The following RARB variants were observed in gnomAD, a reference collection of about 807,000 sequenced individuals.
RARB encodes HBV-activated protein.
Under a neutral mutation model 51.9 loss-of-function variants are expected in RARB, and 17 were observed. The ratio of observed to expected loss-of-function variants is 0.33; its 90% confidence interval spans 0.22 to 0.49. RARB has a LOEUF of 0.49. Ranked by LOEUF, RARB falls within the 20% of genes least tolerant of loss-of-function variation. The pLI is 0.99. For missense variants in RARB, 369 were observed against 550.8 expected (o/e 0.67, Z 3.30); for synonymous variants, 215 against 195.4 (o/e 1.10, Z -0.84).
chr3:25,555,115 T>C (rs1700004013), intron 3 of RARB, among the ~76,000 whole-genome samples: 1 of 151,992 alleles, frequency 6.6e-6, no homozygotes, highest in South Asian at 2.1e-4. Context: ...CTGTAAATAT[T>C]TGAATAAAAT....
At chr3:25,133,834 G>A (rs997135400) in intron 4 of RARB, among the ~76,000 whole-genome samples, 11 of 151,694 alleles carry the variant, frequency 7.3e-5, no homozygotes, top group Admixed American at 5.9e-4. Flanking sequence ...ACAAGGAGGG[G>A]GGAAGGATTT....
intron 2 of RARB, among the ~76,000 whole-genome samples, chr3:24,884,265 T>C (rs1370146630): frequency 1.3e-5 from 2 of 152,178 alleles, no homozygotes; most frequent in Non-Finnish European, 2.9e-5. Flanking sequence ...TCTGTGAAAC[T>C]GTTGATTCTC....
rs186124767 is a variant in RARB, at chr3:25,367,688, T to C, written c.179-93505T>C. 3.9e-3 allele frequency among the ~76,000 whole-genome samples: 570 copies of C among 147,600 alleles called. 2 individuals carry two copies. The highest frequency in any genetic ancestry group is 0.013 in the African/African-American group (535 of 39,980). ...AAAAAATACCAAAATTAGCCGCATA[T>C]GGGGGTGTGCATCTGCAGTCTCAGC... On this transcript the variant is annotated intron_variant, in intron 5 of 11. Coordinates refer to the RARB transcript ENST00000383772.
intron 1 of RARB, among the ~76,000 whole-genome samples, chr3:24,846,262 G>A (rs991614338): frequency 4.6e-5 from 7 of 152,158 alleles, no homozygotes; most frequent in African/African-American, 1.7e-4. Context: ...ACTAATCATA[G>A]TAGCTACCTC....
chr3:25,475,410 G>T (rs1030800264), intron 2 of RARB, among the ~76,000 whole-genome samples: 6 of 151,904 alleles, frequency 3.9e-5, no homozygotes, highest in Admixed American at 2.6e-4. Flanking sequence ...AAGGGGGGGG[G>T]ATCCCCTGCA....
At chr3:24,989,330 A>G (rs1696862620) in intron 2 of RARB, among the ~76,000 whole-genome samples, 1 of 152,234 alleles carries the variant, frequency 6.6e-6, no homozygotes, top group Non-Finnish European at 1.5e-5. Context: ...GCTAAGTAAT[A>G]GCCCTGGGTG....
At chr3:24,966,266 G>A (rs1464416392) in intron 2 of RARB, among the ~76,000 whole-genome samples, 3 of 152,058 alleles carry the variant, frequency 2.0e-5, no homozygotes, top group Non-Finnish European at 4.4e-5. Context: ...AGACTGTTAG[G>A]TCAGCCTAAG....
intron 2 of RARB, among the ~76,000 whole-genome samples, chr3:24,952,526 C>G (rs1040532199): frequency 5.9e-5 from 9 of 152,126 alleles, no homozygotes; most frequent in Non-Finnish European, 1.3e-4. Context: ...TGACTTAACC[C>G]TTTGTCTAGT....
intron 2 of RARB, among the ~76,000 whole-genome samples, chr3:25,056,434 G>A (rs529873121): frequency 2.0e-5 from 3 of 152,168 alleles, no homozygotes; most frequent in African/African-American, 4.8e-5. Flanking sequence ...AACATTGACT[G>A]TCTAAAATAA....
chr3:25,336,516 G>A (rs183960819), intron 5 of RARB, among the ~76,000 whole-genome samples: 5 of 152,216 alleles, frequency 3.3e-5, no homozygotes, highest in Admixed American at 2.0e-4. Flanking sequence ...AAAATCAAAC[G>A]TTAGACTTCT....
At chr3:24,872,683 A>C (rs1276170951) in intron 2 of RARB, among the ~76,000 whole-genome samples, 2 of 152,120 alleles carry the variant, frequency 1.3e-5, no homozygotes, top group Non-Finnish European at 2.9e-5. Flanking sequence ...TACCACAGGG[A>C]GGGCACCAAG....
intron 2 of RARB, among the ~76,000 whole-genome samples, chr3:25,008,673 A>G (rs1474329733): frequency 6.6e-6 from 1 of 152,066 alleles, no homozygotes; most frequent in Non-Finnish European, 1.5e-5. Context: ...TATTTTCTCC[A>G]GTTTTTCAAG....
At chr3:25,231,552 A>C (rs561868738) in intron 5 of RARB, among the ~76,000 whole-genome samples, 2 of 152,296 alleles carry the variant, frequency 1.3e-5, no homozygotes, top group South Asian at 2.1e-4. Flanking sequence ...ATGACTATCA[A>C]CTTGTGAGAG....
chr3:25,490,339 C>T (rs993262475), intron 2 of RARB, among the ~76,000 whole-genome samples: 13 of 152,266 alleles, frequency 8.5e-5, no homozygotes, highest in Middle Eastern at 3.4e-3. Context: ...AATACAAGTA[C>T]ATCATAATTA....
intron 2 of RARB, among the ~76,000 whole-genome samples, chr3:25,463,590 G>A (rs180693371): frequency 9.6e-4 from 146 of 151,846 alleles, no homozygotes; most frequent in Middle Eastern, 6.8e-3. Context: ...TTGAACCCGG[G>A]AGGCAGAGGT....
intron 5 of RARB, among the ~76,000 whole-genome samples, chr3:25,249,553 G>T (rs1426661498): frequency 6.6e-6 from 1 of 151,454 alleles, no homozygotes; most frequent in Non-Finnish European, 1.5e-5. Context: ...TGATATAATA[G>T]TTGCTTCTTT....
intron 5 of RARB, among the ~76,000 whole-genome samples, chr3:25,204,645 T>A (rs890791777): frequency 6.6e-6 from 1 of 152,230 alleles, no homozygotes. Context: ...CTTCTAACAG[T>A]CAGGACCCTC....
At chr3:25,455,376 A>G (rs911405643) in intron 1 of RARB, among the ~76,000 whole-genome samples, 1 of 152,214 alleles carries the variant, frequency 6.6e-6, no homozygotes, top group African/African-American at 2.4e-5. Flanking sequence ...AAAAGCACGA[A>G]TTTAAAGCAA....
intron 3 of RARB, among the ~76,000 whole-genome samples, chr3:25,523,822 T>G (rs541913718): frequency 1.3e-5 from 2 of 152,338 alleles, no homozygotes; most frequent in Admixed American, 1.3e-4. Flanking sequence ...CTGCAGCAAT[T>G]TTTACAAACT....
Sources: allele counts gnomAD v4.1 joint callset (sites outside exome capture counted in the v4.1 genomes callset), GRCh38; gene constraint gnomAD v4.1.1; transcripts MANE v1.5; gene names NCBI Gene and HGNC (gene_info 2026-07-23, HGNC 2026-07-21).